The following CAMK1D variants were observed in gnomAD, a reference collection of about 807,000 sequenced individuals.
The protein encoded by CAMK1D is calcium/calmodulin-dependent protein kinase type 1D.
Under a neutral mutation model 47.7 loss-of-function variants are expected in CAMK1D, and 9 were observed. The ratio of observed to expected loss-of-function variants is 0.19; its 90% CI spans 0.11 to 0.33. The LOEUF (loss-of-function observed/expected upper bound fraction) is 0.33, where lower values mean the gene tolerates loss of function less well. Among genes scored for constraint, CAMK1D ranks in the 10% least tolerant of loss-of-function variants. The pLI, the probability that CAMK1D is intolerant of heterozygous loss-of-function variation, is 1.00. For missense variants in CAMK1D, 291 were observed against 488.7 expected (o/e 0.60, Z 3.81); for synonymous variants, 184 against 184.9 (o/e 0.99, Z 0.04).
chr10:12,748,178 C>G (rs1332854778), intron 3 of CAMK1D, among the ~76,000 whole-genome samples: 1 of 152,220 alleles, frequency 6.6e-6, no homozygotes, highest in Non-Finnish European at 1.5e-5. Flanking sequence ...GGTATTTAAA[C>G]TCTTCCTGTT....
chr10:12,673,045 C>T (rs1165681309), intron 3 of CAMK1D, among the ~76,000 whole-genome samples: 1 of 151,596 alleles, frequency 6.6e-6, no homozygotes, highest in Non-Finnish European at 1.5e-5. Context: ...TACAGGTGCC[C>T]AGGTCATTTT....
chr10:12,689,279 G>A (rs1017944196), intron 3 of CAMK1D, among the ~76,000 whole-genome samples: 3 of 152,138 alleles, frequency 2.0e-5, no homozygotes, highest in Non-Finnish European at 2.9e-5. Flanking sequence ...AAGCTGAAAC[G>A]ATATTAATTG....
chr10:12,560,486 G>A (rs1478235576), intron 2 of CAMK1D, among the ~76,000 whole-genome samples: 2 of 150,366 alleles, frequency 1.3e-5, no homozygotes, highest in Non-Finnish European at 1.5e-5. Context: ...CCAGGAGGTG[G>A]AAGTTGCAGG....
At chr10:12,683,741 GGTGTGTGTGTGTGTGTGTGTGTGT>G (rs10554443) in intron 3 of CAMK1D, among the ~76,000 whole-genome samples, 1 of 144,876 alleles carries the variant, frequency 6.9e-6, no homozygotes, top group Non-Finnish European at 1.5e-5. Context: ...TAGGAATCCA[GGTGTGTGTGTGTGTGTGTGTGTGT>G]GTGTGTGTGT....
intron 3 of CAMK1D, among the ~76,000 whole-genome samples, chr10:12,703,270 C>T (rs770863939): frequency 3.4e-4 from 52 of 152,178 alleles, no homozygotes; most frequent in Non-Finnish European, 4.4e-4. Flanking sequence ...AACTGTGGTG[C>T]CATTCCTATT....
chr10:12,563,073 G>T (rs532902023), intron 2 of CAMK1D, among the ~76,000 whole-genome samples: 1 of 152,360 alleles, frequency 6.6e-6, no homozygotes, highest in African/African-American at 2.4e-5. Context: ...AGGCTGAGAA[G>T]CTCCACAATC....
chr10:12,365,137 A>G (rs554989975), intron 1 of CAMK1D, among the ~76,000 whole-genome samples: 63 of 151,510 alleles, frequency 4.2e-4, no homozygotes, highest in African/African-American at 1.4e-3. Context: ...TGTATGTTCA[A>G]TAGAGACAGG....
At chr10:12,549,299 A>G (rs1380217307) in intron 1 of CAMK1D, among the ~76,000 whole-genome samples, 1 of 152,254 alleles carries the variant, frequency 6.6e-6, no homozygotes, top group Non-Finnish European at 1.5e-5. Flanking sequence ...TCCTGTAAGT[A>G]GAATCATACG....
At chr10:12,432,623 A>G (rs1198276077) in intron 1 of CAMK1D, among the ~76,000 whole-genome samples, 1 of 152,242 alleles carries the variant, frequency 6.6e-6, no homozygotes, top group Non-Finnish European at 1.5e-5. Flanking sequence ...TGAATAGATG[A>G]GTTAATGTGT....
Position 12,830,952 on chromosome 10 carries a change from C to G in CAMK1D, c.*2065C>G, listed in dbSNP as rs1588978992. 1 of 150,476 alleles carries G rather than the reference C, an allele frequency of 6.6e-6. No homozygotes were observed. The highest frequency in any genetic ancestry group is 6.6e-5 in the Admixed American group (1 of 15,102). 9.3% of individuals were successfully genotyped at this position (150,476 alleles called of 1,614,324 possible). On this transcript the variant is annotated 3_prime_UTR_variant, in exon 11 of 11. Coordinates refer to ENST00000619168, the MANE Select transcript of CAMK1D (RefSeq NM_153498.4). ...ACACACACACACACACACACACACA[C>G]ACACACACACACAATGTTATTAGGC...
intron 1 of CAMK1D, among the ~76,000 whole-genome samples, chr10:12,427,790 C>A (rs1349908235): frequency 7.3e-6 from 1 of 137,428 alleles, no homozygotes; most frequent in Admixed American, 8.1e-5. Flanking sequence ...TCACCGCAAC[C>A]TTTTCCTCCC....
At chr10:12,593,901 G>T (rs1373985473) in intron 2 of CAMK1D, among the ~76,000 whole-genome samples, 2 of 152,072 alleles carry the variant, frequency 1.3e-5, no homozygotes, top group Admixed American at 6.5e-5. Flanking sequence ...ACATGGCCAG[G>T]CGCGGTGGCT....
rs55994840 is a variant in CAMK1D, at chr10:12,801,222, T to TATCCATCC, written c.641+10021_641+10028dup. Among the ~76,000 whole-genome samples the TATCCATCC allele has an allele frequency of 1.3e-3, 191 of 149,356 alleles. 1 individual carries two copies. The highest frequency in any genetic ancestry group is 3.7e-3 in the African/African-American group (149 of 40,086). On this transcript the variant is annotated intron_variant, in intron 6 of 10. Transcript: ENST00000619168. ...GAACTTTCAGATGTTACATCTCTAG[T>TATCCATCC]ATCCATCCATCCATCCATCCATCCA...
chr10:12,758,007 A>T (rs1836315895), intron 3 of CAMK1D, among the ~76,000 whole-genome samples: 1 of 152,050 alleles, frequency 6.6e-6, no homozygotes, highest in Non-Finnish European at 1.5e-5. Context: ...ACCCGCCATC[A>T]TGCCCAGCTA....
intron 2 of CAMK1D, among the ~76,000 whole-genome samples, chr10:12,606,949 T>C (rs1296968934): frequency 6.6e-6 from 1 of 152,106 alleles, no homozygotes; most frequent in Non-Finnish European, 1.5e-5. Flanking sequence ...TGCCTCAGCC[T>C]CCCTAGTAGC....
chr10:12,694,689 A>G (rs1284593693), intron 3 of CAMK1D, among the ~76,000 whole-genome samples: 5 of 149,670 alleles, frequency 3.3e-5, no homozygotes, highest in African/African-American at 1.2e-4. Flanking sequence ...AAAGACTCCT[A>G]AACTGCCATA....
intron 3 of CAMK1D, among the ~76,000 whole-genome samples, chr10:12,691,908 C>T (rs1330126875): frequency 6.6e-6 from 1 of 152,104 alleles, no homozygotes; most frequent in Non-Finnish European, 1.5e-5. Flanking sequence ...TTGTAAATTA[C>T]ATCCTATGGT....
intron 1 of CAMK1D, among the ~76,000 whole-genome samples, chr10:12,515,311 CTG>C (rs1455703132): frequency 2.0e-5 from 3 of 152,018 alleles, no homozygotes; most frequent in African/African-American, 7.2e-5. Flanking sequence ...CCAGATTCCC[CTG>C]TGTTACTCCT....
At chr10:12,705,768 T>TG (rs1278383763) in intron 3 of CAMK1D, among the ~76,000 whole-genome samples, 1 of 152,224 alleles carries the variant, frequency 6.6e-6, no homozygotes, top group Non-Finnish European at 1.5e-5. Context: ...CATTGAAGTA[T>TG]GATGGATGGT....
Sources: allele counts gnomAD v4.1 joint callset (sites outside exome capture counted in the v4.1 genomes callset), GRCh38; gene constraint gnomAD v4.1.1; transcripts MANE v1.5; gene names NCBI Gene and HGNC (gene_info 2026-07-23, HGNC 2026-07-21).